The following TMEM117 variants were observed in gnomAD, a reference collection of about 807,000 sequenced individuals.
TMEM117 encodes transmembrane protein 117.
TMEM117 carries 27 observed loss-of-function variants against 52.4 expected under a neutral mutation model. The ratio of observed to expected loss-of-function variants is 0.51; its 90% CI spans 0.38 to 0.71. TMEM117 has a LOEUF of 0.71. Ranked by LOEUF, TMEM117 falls within the 30% of genes least tolerant of loss-of-function variation. TMEM117 has a pLI of 0.00. For synonymous variants in TMEM117, 215 were observed against 206.3 expected (o/e 1.04, Z -0.36); for missense variants, 556 against 630.5 (o/e 0.88, Z 1.26).
At chr12:43,894,104 C>T (rs1944156093) in intron 2 of TMEM117, among the ~76,000 whole-genome samples, 1 of 152,168 alleles carries the variant, frequency 6.6e-6, no homozygotes, top group Non-Finnish European at 1.5e-5. Context: ...ACTGAAATCA[C>T]AGGCCAGCTC....
intron 4 of TMEM117, among the ~76,000 whole-genome samples, chr12:44,169,708 A>T (rs1359398883): frequency 6.6e-6 from 1 of 152,104 alleles, no homozygotes; most frequent in Non-Finnish European, 1.5e-5. Flanking sequence ...AATTCAATTT[A>T]TTTTTTGTTT....
intron 3 of TMEM117, among the ~76,000 whole-genome samples, chr12:43,986,970 G>T (rs1210685257): frequency 2.0e-5 from 3 of 151,692 alleles, no homozygotes; most frequent in Admixed American, 6.6e-5. Context: ...ATACAGTTAT[G>T]GGCTAAAGGG....
chr12:43,876,431 T>C (rs1160482207), intron 2 of TMEM117, among the ~76,000 whole-genome samples: 2 of 152,186 alleles, frequency 1.3e-5, no homozygotes, highest in African/African-American at 2.4e-5. Context: ...TGTCGTTTTC[T>C]AGGAAACTCA....
chr12:43,808,841 T>C, the TMEM117 span, among the ~76,000 whole-genome samples: 1 of 143,976 alleles, frequency 6.9e-6, no homozygotes, highest in Non-Finnish European at 1.5e-5. Context: ...AAAAAGGAGC[T>C]ACTACTACTC....
the TMEM117 span, among the ~76,000 whole-genome samples, chr12:43,807,000 A>G: frequency 6.6e-6 from 1 of 152,204 alleles, no homozygotes; most frequent in African/African-American, 2.4e-5. Flanking sequence ...TTAATCCAGT[A>G]ATTATTCAAA....
At chr12:44,209,740 A>G (rs1166066271) in intron 4 of TMEM117, among the ~76,000 whole-genome samples, 1 of 152,158 alleles carries the variant, frequency 6.6e-6, no homozygotes, top group Non-Finnish European at 1.5e-5. Flanking sequence ...CTCTATTCCT[A>G]GAAATGACAT....
chr12:44,281,384 T>C (rs1950575105), intron 5 of TMEM117, among the ~76,000 whole-genome samples: 1 of 152,182 alleles, frequency 6.6e-6, no homozygotes, highest in Admixed American at 6.5e-5. Flanking sequence ...GTTATCAAAA[T>C]ATGTTTCTTG....
At chr12:43,820,211 C>T in the TMEM117 span, among the ~76,000 whole-genome samples, 2 of 152,184 alleles carry the variant, frequency 1.3e-5, no homozygotes, top group African/African-American at 4.8e-5. Flanking sequence ...GATTCTCCTG[C>T]CTCAGGCTCC....
At chr12:44,318,776 AG>A (rs1366216501) in intron 6 of TMEM117, among the ~76,000 whole-genome samples, 1 of 152,180 alleles carries the variant, frequency 6.6e-6, no homozygotes, top group African/African-American at 2.4e-5. Flanking sequence ...TGGAGCAGAG[AG>A]GTCTCTGCTG....
intron 5 of TMEM117, among the ~76,000 whole-genome samples, chr12:44,275,711 C>G (rs1290224846): frequency 1.3e-5 from 2 of 151,816 alleles, no homozygotes; most frequent in Non-Finnish European, 2.9e-5. Flanking sequence ...ATAAGAACAT[C>G]GCATGTTTTC....
At chr12:44,151,874 A>T (rs1298561330) in intron 4 of TMEM117, among the ~76,000 whole-genome samples, 1 of 135,486 alleles carries the variant, frequency 7.4e-6, no homozygotes, top group Non-Finnish European at 1.5e-5. Flanking sequence ...TTAATATATT[A>T]TATATTATAA....
At chr12:44,382,147 A>G (rs1952029655) in intron 7 of TMEM117, among the ~76,000 whole-genome samples, 1 of 152,280 alleles carries the variant, frequency 6.6e-6, no homozygotes, top group South Asian at 2.1e-4. Context: ...CTTCAGGGCC[A>G]TCATTTTGCC....
chr12:44,284,545 G>A (rs1451595079), intron 5 of TMEM117, among the ~76,000 whole-genome samples: 2 of 152,212 alleles, frequency 1.3e-5, no homozygotes, highest in Admixed American at 1.3e-4. Flanking sequence ...GTTACTAAGA[G>A]ACACACAGGA....
downstream of TMEM117, among the ~76,000 whole-genome samples, chr12:44,392,226 C>T (rs1021065849): frequency 6.6e-6 from 1 of 152,006 alleles, no homozygotes; most frequent in Non-Finnish European, 1.5e-5. Flanking sequence ...GTTGAAGAAA[C>T]TAGAAAAAGA....
chr12:44,338,295 A>G lies in TMEM117; in HGVS notation c.769-38300A>G, dbSNP rs145625362. Among the ~76,000 whole-genome samples, 12 of 152,230 alleles carry G rather than the reference A, an allele frequency of 7.9e-5. No individual in the cohort carries two copies. The East Asian group carries it at 2.3e-3, about 29-fold the overall frequency. On this transcript the variant is annotated intron_variant, in intron 6 of 7. Coordinates refer to ENST00000266534, the MANE Select transcript of TMEM117 (RefSeq NM_032256.3). ...TAAATAAATCTATGTCAGTCTATAAAGTGATTTCTAAAGGTTTGCAGGAGT... is the reference window on the plus strand; with the variant it reads ...TAAATAAATCTATGTCAGTCTATAAGGTGATTTCTAAAGGTTTGCAGGAGT...
intron 3 of TMEM117, among the ~76,000 whole-genome samples, chr12:44,017,326 CTTTTTTTTT>C (rs79007657): frequency 3.1e-5 from 3 of 97,114 alleles, no homozygotes; most frequent in African/African-American, 1.2e-4. Context: ...TCTTTCTTTC[CTTTTTTTTT>C]TTTTTTTTTT....
At chr12:44,016,507 T>A (rs939031647) in intron 3 of TMEM117, among the ~76,000 whole-genome samples, 1 of 152,206 alleles carries the variant, frequency 6.6e-6, no homozygotes, top group Admixed American at 6.5e-5. Flanking sequence ...ACTTAATTAC[T>A]GTTTTGGGAT....
chr12:44,004,217 G>A (rs555501836), intron 3 of TMEM117, among the ~76,000 whole-genome samples: 2 of 151,612 alleles, frequency 1.3e-5, no homozygotes, highest in East Asian at 3.9e-4. Context: ...AAGCTTTGAA[G>A]CTAACAGGGA....
At chr12:44,050,654 G>A (rs1037875176) in intron 3 of TMEM117, among the ~76,000 whole-genome samples, 2 of 152,118 alleles carry the variant, frequency 1.3e-5, no homozygotes, top group Non-Finnish European at 2.9e-5. Flanking sequence ...ACAAACATAT[G>A]TTGTGGCATT....
Sources: gnomAD v4.1 joint callset for allele counts (sites outside exome capture counted in the v4.1 genomes callset) on GRCh38, gnomAD v4.1.1 for gene constraint, MANE v1.5 for transcripts, NCBI Gene and HGNC (gene_info 2026-07-23, HGNC 2026-07-21) for gene names.